Variants in OR2L13 observed in about 807,000 individuals in gnomAD.
The protein encoded by OR2L13 is olfactory receptor family 2 subfamily L member 13.
OR2L13 carries 14 observed loss-of-function variants against 15.3 expected under a neutral mutation model. The ratio of observed to expected loss-of-function variants is 0.91; its 90% CI spans 0.60 to 1.43. The LOEUF (loss-of-function observed/expected upper bound fraction) is 1.43, where lower values mean the gene tolerates loss of function less well. Ranked by LOEUF, OR2L13 falls within the 40% of genes most tolerant of loss-of-function variation. OR2L13 has a pLI of 0.00. For missense variants in OR2L13, 367 were observed against 387.9 expected (o/e 0.95, Z 0.45); for synonymous variants, 152 against 142.9 (o/e 1.06, Z -0.45).
chr1:248,068,847 T>A, the OR2L13 span, among the ~76,000 whole-genome samples: 8 of 152,230 alleles, frequency 5.3e-5, no homozygotes, highest in East Asian at 1.5e-3. Flanking sequence ...CAGGAGCCGA[T>A]GCAATCAACT....
upstream of OR2L13, among the ~76,000 whole-genome samples, chr1:248,094,804 AGTTCT>A (rs1664679916): frequency 2.0e-5 from 3 of 152,204 alleles, no homozygotes; most frequent in Non-Finnish European, 4.4e-5. Context: ...CCTTGGGACT[AGTTCT>A]GCTATTACTG....
At chr1:247,968,378 G>A in the OR2L13 span, among the ~76,000 whole-genome samples, 2 of 151,932 alleles carry the variant, frequency 1.3e-5, no homozygotes, top group African/African-American at 4.8e-5. Context: ...AAGTTCTAGG[G>A]TACATGTGCA....
At chr1:248,077,146 A>C in the OR2L13 span, among the ~76,000 whole-genome samples, 1 of 152,072 alleles carries the variant, frequency 6.6e-6, no homozygotes. Flanking sequence ...AATTACATTT[A>C]TTGATTTGTG....
the OR2L13 span, among the ~76,000 whole-genome samples, chr1:248,037,973 T>C: frequency 6.6e-6 from 1 of 152,212 alleles, no homozygotes; most frequent in South Asian, 2.1e-4. Flanking sequence ...AATATGATGG[T>C]TTGAAAGAAA....
chr1:248,071,036 C>A, the OR2L13 span, among the ~76,000 whole-genome samples: 9 of 152,078 alleles, frequency 5.9e-5, no homozygotes, highest in African/African-American at 2.2e-4. Flanking sequence ...CAGCCGAATT[C>A]TACCAGAGGT....
chr1:247,943,070 C>CTA, the OR2L13 span, among the ~76,000 whole-genome samples: 1 of 152,130 alleles, frequency 6.6e-6, no homozygotes, highest in Non-Finnish European at 1.5e-5. Flanking sequence ...CTTTTTAAAA[C>CTA]TATATATACA....
At chr1:247,943,478 A>G in the OR2L13 span, among the ~76,000 whole-genome samples, 24 of 152,292 alleles carry the variant, frequency 1.6e-4, no homozygotes, top group South Asian at 6.2e-4. Flanking sequence ...ATACACTGAA[A>G]TTGTTGGATC....
Position 248,099,340 on chromosome 1 carries a change from C to T in OR2L13, c.-18-18C>T, listed in dbSNP as rs750988274. ...CATGTTTTGTGCTTTGCTTTTGTTT[C>T]TATTTCTCTTTCAACAGTTACAGCA... On this transcript the variant is annotated intron_variant, in intron 2 of 2. Coordinates refer to ENST00000641714, the Ensembl canonical transcript of OR2L13. 7.3e-7 allele frequency: 1 copy of T among 1,377,614 alleles called. No homozygotes were observed. The highest frequency in any genetic ancestry group is 1.4e-5 in the African/African-American group (1 of 69,876). 85.3% of individuals were successfully genotyped at this position (1,377,614 alleles called of 1,614,324 possible).
At chr1:247,972,107 C>T in the OR2L13 span, among the ~76,000 whole-genome samples, 1 of 152,110 alleles carries the variant, frequency 6.6e-6, no homozygotes, top group Admixed American at 6.6e-5. Flanking sequence ...AGATCTGGGA[C>T]ACAGCTAAAG....
chr1:248,079,815 C>T, the OR2L13 span, among the ~76,000 whole-genome samples: 5 of 152,152 alleles, frequency 3.3e-5, no homozygotes, highest in South Asian at 2.1e-4. Flanking sequence ...TGGATTAGGC[C>T]AAGATTTCTT....
the OR2L13 span, among the ~76,000 whole-genome samples, chr1:248,077,583 T>G: frequency 6.6e-6 from 1 of 152,216 alleles, no homozygotes; most frequent in African/African-American, 2.4e-5. Context: ...AGTCTATGTG[T>G]CCAGGAATTT....
At chr1:247,977,737 C>A in the OR2L13 span, among the ~76,000 whole-genome samples, 1 of 152,172 alleles carries the variant, frequency 6.6e-6, no homozygotes, top group Non-Finnish European at 1.5e-5. Flanking sequence ...TAGATATCAT[C>A]TTTAATTTTA....
chr1:248,094,058 A>G (rs1558220987), upstream of OR2L13, among the ~76,000 whole-genome samples: 1 of 152,126 alleles, frequency 6.6e-6, no homozygotes, highest in African/African-American at 2.4e-5. Context: ...AAATAACTAA[A>G]AGTGGAATTG....
At chr1:247,943,377 A>G in the OR2L13 span, among the ~76,000 whole-genome samples, 13 of 152,148 alleles carry the variant, frequency 8.5e-5, no homozygotes, top group African/African-American at 2.7e-4. Context: ...TCAGCATCAC[A>G]CAATATAACC....
chr1:248,014,097 A>AT, the OR2L13 span, among the ~76,000 whole-genome samples: 33 of 152,088 alleles, frequency 2.2e-4, no homozygotes, highest in African/African-American at 8.0e-4. Context: ...TTGGTTGGTG[A>AT]TTTTTTGGTT....
chr1:248,004,194 C>G, the OR2L13 span: 2 of 764,636 alleles, frequency 2.6e-6, no homozygotes, highest in Non-Finnish European at 3.9e-6. Context: ...AAAAAAAAAT[C>G]ACTGATTTCT....
chr1:248,096,243 C>T (rs1334950906), upstream of OR2L13, among the ~76,000 whole-genome samples: 7 of 151,716 alleles, frequency 4.6e-5, no homozygotes, highest in Non-Finnish European at 7.4e-5. Context: ...ATTAGCCGGG[C>T]GTGGTGGTGG....
At chr1:247,976,972 T>C in the OR2L13 span, among the ~76,000 whole-genome samples, 1 of 152,272 alleles carries the variant, frequency 6.6e-6, no homozygotes, top group Non-Finnish European at 1.5e-5. Context: ...ACATCAGGTA[T>C]CATCTACATG....
the OR2L13 span, among the ~76,000 whole-genome samples, chr1:247,955,045 C>A: frequency 1.3e-5 from 2 of 151,706 alleles, no homozygotes; most frequent in African/African-American, 4.8e-5. Context: ...TGTGCTGCAC[C>A]CATTAACTCG....
Sources: allele counts gnomAD v4.1 joint callset (sites outside exome capture counted in the v4.1 genomes callset), GRCh38; gene constraint gnomAD v4.1.1; transcripts MANE v1.5; gene names NCBI Gene and HGNC (gene_info 2026-07-23, HGNC 2026-07-21).